Variants in GPD2 observed in about 807,000 individuals in gnomAD.
The protein encoded by GPD2 is glycerol-3-phosphate dehydrogenase, mitochondrial.
Under a neutral mutation model 82.4 loss-of-function variants are expected in GPD2, and 54 were observed. That is an observed-to-expected ratio of 0.66 (90% CI 0.53 to 0.82). GPD2 has a LOEUF of 0.82. Among genes scored for constraint, GPD2 ranks in the 40% least tolerant of loss-of-function variants. The pLI is 0.00. For missense variants in GPD2, 748 were observed against 896.2 expected (o/e 0.83, Z 2.11); for synonymous variants, 288 against 306.1 (o/e 0.94, Z 0.62).
chr2:156,517,263 T>C (rs1015729029), intron 6 of GPD2, among the ~76,000 whole-genome samples: 3 of 152,228 alleles, frequency 2.0e-5, no homozygotes, highest in East Asian at 1.9e-4. Flanking sequence ...TGGCCCTTCA[T>C]ACTTTTTGAT....
intron 1 of GPD2, among the ~76,000 whole-genome samples, chr2:156,465,091 T>A (rs893958935): frequency 2.0e-5 from 3 of 152,102 alleles, no homozygotes; most frequent in South Asian, 2.1e-4. Flanking sequence ...CCTCAAGTGA[T>A]CCACCCGCCA....
At chr2:156,456,004 C>T (rs1682777049) in intron 1 of GPD2, among the ~76,000 whole-genome samples, 1 of 152,092 alleles carries the variant, frequency 6.6e-6, no homozygotes, top group African/African-American at 2.4e-5. Context: ...TAGATGAGTG[C>T]AGAAAAAAAC....
chr2:156,486,783 T>C (rs1683958618), intron 2 of GPD2, among the ~76,000 whole-genome samples: 1 of 152,258 alleles, frequency 6.6e-6, no homozygotes, highest in Non-Finnish European at 1.5e-5. Context: ...ATCATATTTA[T>C]ATTTGATGAA....
intron 2 of GPD2, among the ~76,000 whole-genome samples, chr2:156,479,168 C>T (rs1683631876): frequency 6.6e-6 from 1 of 152,194 alleles, no homozygotes; most frequent in African/African-American, 2.4e-5. Context: ...ACCTTTGAGT[C>T]AATTCTGTAG....
In GPD2 at chr2:156,585,718, C is replaced by T. The variant is rs376718992; in HGVS notation, c.*2800C>T. 1 of 152,382 alleles carries T rather than the reference C, an allele frequency of 6.6e-6. No individual in the cohort carries two copies. Among genetic ancestry groups the T allele is most frequent in the East Asian group, 1.9e-4 (1 of 5,174 alleles). 9.4% of individuals were successfully genotyped at this position (152,382 alleles called of 1,614,324 possible). A position where few individuals can be genotyped will look rare whatever the true frequency, so the allele number is the denominator to read the frequency against. Reference sequence around the variant, plus strand: ...TTACTAAATATACTGTAGGAGTCATCATTGATGTTATTTTTCTCTTATGTA... The same window carrying T: ...TTACTAAATATACTGTAGGAGTCATTATTGATGTTATTTTTCTCTTATGTA... On this transcript the variant is annotated 3_prime_UTR_variant, in exon 17 of 17. Transcript: ENST00000438166.
chr2:156,493,248 G>A (rs987122593), intron 2 of GPD2, among the ~76,000 whole-genome samples: 6 of 152,108 alleles, frequency 3.9e-5, no homozygotes, highest in African/African-American at 1.2e-4. Context: ...AATCATTTGT[G>A]CATTTATTGG....
intron 1 of GPD2, among the ~76,000 whole-genome samples, chr2:156,449,856 C>CAAAAAAAAAAAAAAAAAA (rs70987037): frequency 3.0e-4 from 25 of 83,978 alleles, no homozygotes; most frequent in Non-Finnish European, 4.6e-4. Context: ...ACTAAATATA[C>CAAAAAAAAAAAAAAAAAA]AAAAAAAAAA....
intron 3 of GPD2, among the ~76,000 whole-genome samples, chr2:156,510,240 CTTT>C (rs2105268268): frequency 6.6e-6 from 1 of 152,184 alleles, no homozygotes; most frequent in East Asian, 1.9e-4. Context: ...TTCTTCCTTT[CTTT>C]TTCTTTCTTT....
chr2:156,448,524 T>C (rs1682447715), intron 1 of GPD2, among the ~76,000 whole-genome samples: 1 of 152,204 alleles, frequency 6.6e-6, no homozygotes, highest in African/African-American at 2.4e-5. Context: ...AATGCTTAAA[T>C]AAAGGAGAGA....
intron 5 of GPD2, 79 bp downstream of exon 5, chr2:156,512,396 C>A (rs1685034920): frequency 2.5e-6 from 2 of 785,344 alleles, no homozygotes; most frequent in Non-Finnish European, 4.7e-6. Context: ...AATAATCCCT[C>A]AATGCATATT....
upstream of GPD2, chr2:156,436,330 G>C (rs2105129338): frequency 6.5e-6 from 1 of 152,716 alleles, no homozygotes; most frequent in Middle Eastern, 3.4e-3. Context: ...GAGGGAAGGC[G>C]GGGGCGCGGC....
At chr2:156,466,627 C>T (rs1227227940) in intron 1 of GPD2, among the ~76,000 whole-genome samples, 2 of 151,892 alleles carry the variant, frequency 1.3e-5, no homozygotes, top group Non-Finnish European at 2.9e-5. Flanking sequence ...TCCTCTAAGG[C>T]TCCCTCCCTT....
chr2:156,565,147 A>G (rs986415118), intron 9 of GPD2, among the ~76,000 whole-genome samples: 2 of 152,122 alleles, frequency 1.3e-5, no homozygotes, highest in African/African-American at 4.8e-5. Flanking sequence ...TTTTCCATCA[A>G]ATAACTTTAA....
At position 156,569,497 on chromosome 2, in the gene GPD2, C is replaced by A. The variant is rs200074868; in HGVS notation, c.1435C>A (p.Leu479Ile). 6.2e-7 allele frequency: 1 copy of A among 1,613,036 alleles called. No homozygotes were observed. The highest frequency in any genetic ancestry group is 1.3e-5 in the African/African-American group (1 of 74,972). Reference sequence around the variant, plus strand: ...AGGGGGTAAAGATTGGAGCCCCACACTCTACATTAGGCTTGTGCAGGATTA... The same window carrying A: ...AGGGGGTAAAGATTGGAGCCCCACAATCTACATTAGGCTTGTGCAGGATTA... ...LQGGKDWSPT[L>I]YIRLVQDYGL... Residue 479 changes from leucine to isoleucine, a missense_variant, in exon 11 of 17, where the codon CTC becomes ATC. By Grantham distance (5) the Leu-to-Ile change is conservative. Coordinates refer to ENST00000438166, the MANE Select transcript of GPD2 (RefSeq NM_000408.5).
intron 2 of GPD2, among the ~76,000 whole-genome samples, chr2:156,482,589 A>C (rs1371082544): frequency 6.6e-6 from 1 of 152,214 alleles, no homozygotes; most frequent in African/African-American, 2.4e-5. Flanking sequence ...CTGAATTTTC[A>C]TATATCATTG....
chr2:156,475,747 AT>A (rs913259896), intron 1 of GPD2, among the ~76,000 whole-genome samples: 2 of 152,152 alleles, frequency 1.3e-5, no homozygotes, highest in African/African-American at 4.8e-5. Flanking sequence ...TGTTGAGCAA[AT>A]TTACAAGTAT....
Position 156,486,528 on chromosome 2 carries a change from C to T in GPD2, c.103-9516C>T, listed in dbSNP as rs151021614. Among the ~76,000 whole-genome samples the T allele has an allele frequency of 5.8e-4, 88 of 152,306 alleles. No homozygotes were observed. The East Asian group carries it at 0.014, about 25-fold the overall frequency. On this transcript the variant is annotated intron_variant, in intron 2 of 16. Coordinates refer to ENST00000438166, the MANE Select transcript of GPD2 (RefSeq NM_000408.5). ...AAAAACTTTTTAGGGATGTTGTAGA[C>T]GGAGGAAACTTTCTATAAATGCTTT...
At chr2:156,563,392 A>G (rs1687246493) in intron 9 of GPD2, among the ~76,000 whole-genome samples, 1 of 152,132 alleles carries the variant, frequency 6.6e-6, no homozygotes, top group Non-Finnish European at 1.5e-5. Context: ...AAAAAATTTG[A>G]GCTGTAAAGC....
chr2:156,483,166 T>G lies in GPD2; in HGVS notation c.102+6959T>G, dbSNP rs1683799377. Among the ~76,000 whole-genome samples the G allele has an allele frequency of 1.3e-5, 2 of 151,954 alleles. 1 individual carries two copies. The highest frequency in any genetic ancestry group is 1.3e-4 in the Admixed American group (2 of 15,258). ...AAAATAACAAAAAAGAATGATCAAC[T>G]CTAGTCAAAATAAGATCTAATTTAG... is the stretch of plus-strand genomic sequence containing the variant. On this transcript the variant is annotated intron_variant, in intron 2 of 16. Coordinates refer to ENST00000438166, the MANE Select transcript of GPD2 (RefSeq NM_000408.5).
Sources: gnomAD v4.1 joint callset for allele counts (sites outside exome capture counted in the v4.1 genomes callset) on GRCh38, gnomAD v4.1.1 for gene constraint, MANE v1.5 for transcripts, NCBI Gene and HGNC (gene_info 2026-07-23, HGNC 2026-07-21) for gene names.